ADGRL3: variants seen among roughly 807,000 people sequenced by gnomAD.
ADGRL3 encodes calcium-independent alpha-latrotoxin receptor 3.
A neutral mutation model predicts 153.5 loss-of-function variants in ADGRL3; 62 were observed. That is an observed-to-expected ratio of 0.40 (90% CI 0.33 to 0.50). ADGRL3 has a LOEUF of 0.50. Among genes scored for constraint, ADGRL3 ranks in the 20% least tolerant of loss-of-function variants. The pLI, the probability that ADGRL3 is intolerant of heterozygous loss-of-function variation, is 0.47. For missense variants in ADGRL3, 1,641 were observed against 1,859.4 expected, an observed-to-expected ratio of 0.88 and a Z score of 2.16; for synonymous variants, 710 against 672.5, an observed-to-expected ratio of 1.06 and a Z score of -0.86.
intron 8 of ADGRL3, among the ~76,000 whole-genome samples, chr4:61,735,704 T>G (rs1407170384): frequency 6.6e-6 from 1 of 152,202 alleles, no homozygotes. Context: ...ACTTATTTTT[T>G]TAGGTAATCA....
intron 1 of ADGRL3, among the ~76,000 whole-genome samples, chr4:61,348,877 G>A (rs1330707925): frequency 6.6e-6 from 1 of 151,948 alleles, no homozygotes; most frequent in Non-Finnish European, 1.5e-5. Flanking sequence ...CTTGAGGAAT[G>A]TGGAAATCTG....
intron 19 of ADGRL3, among the ~76,000 whole-genome samples, chr4:61,990,260 G>A (rs2099099168): frequency 6.6e-6 from 1 of 151,868 alleles, no homozygotes; most frequent in South Asian, 2.1e-4. Flanking sequence ...AAATTATTAT[G>A]TTAAGTGACT....
intron 21 of ADGRL3, among the ~76,000 whole-genome samples, chr4:62,026,162 C>T (rs139025066): frequency 1.6e-3 from 243 of 152,056 alleles, no homozygotes; most frequent in African/African-American, 5.5e-3. Flanking sequence ...ATCAAGCCAC[C>T]GTAAAAAAAT....
chr4:61,444,343 A>G (rs1379167), intron 2 of ADGRL3, among the ~76,000 whole-genome samples: 141,762 of 152,182 alleles, frequency 0.93, 66,874 homozygotes, highest in East Asian at 1. Flanking sequence ...ACTTGCCTGT[A>G]GACACACCTA....
At chr4:61,809,572 C>G (rs543004678) in intron 8 of ADGRL3, among the ~76,000 whole-genome samples, 7 of 152,072 alleles carry the variant, frequency 4.6e-5, no homozygotes, top group African/African-American at 1.7e-4. Flanking sequence ...CTTGAGCACC[C>G]TATTTAAAAT....
intron 2 of ADGRL3, among the ~76,000 whole-genome samples, chr4:61,384,258 A>G (rs1395713863): frequency 6.6e-6 from 1 of 151,766 alleles, no homozygotes; most frequent in Non-Finnish European, 1.5e-5. Context: ...ACATGCAAGC[A>G]ATGTTGTTCC....
In ADGRL3 at chr4:61,497,236, T is replaced by A; in HGVS notation, c.-58T>A. ...GAAGAGAAACTAGAAATATACGTAT[T>A]TTGTTTCACATTTGAACAGTCATTC... On this transcript the variant is annotated 5_prime_UTR_variant, in exon 3 of 27. Coordinates refer to ENST00000683033, the MANE Select transcript of ADGRL3 (RefSeq NM_001387552.1). 1 of 1,002,940 alleles carries A rather than the reference T, an allele frequency of 1.0e-6. No homozygotes were observed. Among genetic ancestry groups the A allele is most frequent in the Middle Eastern group, 2.1e-4 (1 of 4,872 alleles). The allele number at this position is 1,002,940 out of a possible 1,614,324, so 62.1% of individuals were successfully genotyped here.
intron 25 of ADGRL3, among the ~76,000 whole-genome samples, 171 bp downstream of exon 25, chr4:62,044,720 A>T (rs1347172058): frequency 1.3e-5 from 2 of 151,980 alleles, no homozygotes; most frequent in East Asian, 1.9e-4. Flanking sequence ...AAGCTACTTT[A>T]AAAAAATCCT....
At chr4:62,052,610 T>C (rs879693664) in intron 25 of ADGRL3, among the ~76,000 whole-genome samples, 3 of 151,480 alleles carry the variant, frequency 2.0e-5, no homozygotes, top group Non-Finnish European at 4.4e-5. Flanking sequence ...AAGAATTTCA[T>C]TGTCATTCTT....
At chr4:62,048,302 G>C (rs1381135917) in intron 25 of ADGRL3, among the ~76,000 whole-genome samples, 1 of 151,642 alleles carries the variant, frequency 6.6e-6, no homozygotes, top group Admixed American at 6.6e-5. Flanking sequence ...TTGCTCTGTT[G>C]CCCAGGCTGG....
At chr4:61,976,345 G>A (rs972091136) in intron 17 of ADGRL3, among the ~76,000 whole-genome samples, 4 of 152,062 alleles carry the variant, frequency 2.6e-5, no homozygotes, top group African/African-American at 9.7e-5. Flanking sequence ...CGCCTTCCTA[G>A]AAGTTCTATT....
chr4:61,745,908 G>A (rs1451426115), intron 8 of ADGRL3, among the ~76,000 whole-genome samples: 1 of 152,138 alleles, frequency 6.6e-6, no homozygotes, highest in African/African-American at 2.4e-5. Flanking sequence ...AAAAGACACA[G>A]ACTGGCAAAT....
chr4:61,755,605 C>A (rs2096817924), intron 8 of ADGRL3, among the ~76,000 whole-genome samples: 1 of 152,122 alleles, frequency 6.6e-6, no homozygotes, highest in Non-Finnish European at 1.5e-5. Flanking sequence ...TTTTGCTGTG[C>A]AGAAGCTCTT....
rs572558957 is a variant in ADGRL3 at position 61,516,592 on chromosome 4, C to CT, written c.56-715dup. On this transcript the variant is annotated intron_variant, in intron 3 of 26. Coordinates refer to ENST00000683033, the MANE Select transcript of ADGRL3 (RefSeq NM_001387552.1). ...GAATTATTTTTAAAAATCATGTATACTTTTTTTTCATTATTGTCTTGGTCT... is the reference window on the plus strand; with the variant it reads ...GAATTATTTTTAAAAATCATGTATACTTTTTTTTTCATTATTGTCTTGGTCT... Among the ~76,000 whole-genome samples, 126 of 151,802 alleles carry CT rather than the reference C, an allele frequency of 8.3e-4. 2 individuals are homozygous for CT. Among genetic ancestry groups the CT allele is most frequent in the Admixed American group, 8.1e-3 (123 of 15,238 alleles).
intron 25 of ADGRL3, among the ~76,000 whole-genome samples, chr4:62,045,041 T>C (rs570800304): frequency 8.5e-5 from 13 of 152,232 alleles, no homozygotes; most frequent in African/African-American, 3.1e-4. Flanking sequence ...TATTTAAAAA[T>C]ATAGGAGAAA....
In ADGRL3 at chr4:62,073,520, T is replaced by TA. The variant is rs1277797184; in HGVS notation, c.*2613dup. 6.6e-6 allele frequency: 1 copy of TA among 152,154 alleles called. No homozygotes were observed. The highest frequency in any genetic ancestry group is 1.5e-5 in the Non-Finnish European group (1 of 68,010). 9.4% of individuals were successfully genotyped at this position (152,154 alleles called of 1,614,324 possible). A position where few individuals can be genotyped will look rare whatever the true frequency, so the allele number is the denominator to read the frequency against. On this transcript the variant is annotated 3_prime_UTR_variant, in exon 27 of 27. Coordinates refer to ENST00000683033, the MANE Select transcript of ADGRL3 (RefSeq NM_001387552.1). ...ATGTGGTCTGTGGATTATGAGCACT[T>TA]ATGCTTGTTTTGTCAAACAGTAACC... is the stretch of plus-strand genomic sequence containing the variant.
In ADGRL3 at chr4:62,077,290, G is replaced by T. The variant is rs1280027351; in HGVS notation, c.*6382G>T. On this transcript the variant is annotated 3_prime_UTR_variant, in exon 27 of 27. Coordinates refer to ENST00000683033, the MANE Select transcript of ADGRL3 (RefSeq NM_001387552.1). The stretch of plus-strand genomic sequence containing the variant: ...CTCCACTCTTTGATCTACAGACAAG[G>T]TTACAAAAGATTTACAATTAGTCCA... 1 of 151,872 alleles carries T rather than the reference G, an allele frequency of 6.6e-6. No homozygotes were observed. Among genetic ancestry groups the T allele is most frequent in the Non-Finnish European group, 1.5e-5 (1 of 67,870 alleles). 9.4% of individuals were successfully genotyped at this position (151,872 alleles called of 1,614,324 possible). A position where few individuals can be genotyped will look rare whatever the true frequency, so the allele number is the denominator to read the frequency against.
intron 9 of ADGRL3, among the ~76,000 whole-genome samples, chr4:61,874,956 C>T (rs1446261378): frequency 6.6e-6 from 1 of 151,112 alleles, no homozygotes; most frequent in South Asian, 2.1e-4. Flanking sequence ...CTACAGGCGC[C>T]CACCACCGCG....
At chr4:61,313,282 T>C (rs2150569757) in intron 1 of ADGRL3, among the ~76,000 whole-genome samples, 1 of 152,286 alleles carries the variant, frequency 6.6e-6, no homozygotes, top group South Asian at 2.1e-4. Context: ...TTTAGGGCAG[T>C]GAGAGTACTC....
Sources: gnomAD v4.1 joint callset for allele counts (sites outside exome capture counted in the v4.1 genomes callset) on GRCh38, gnomAD v4.1.1 for gene constraint, MANE v1.5 for transcripts, NCBI Gene and HGNC (gene_info 2026-07-23, HGNC 2026-07-21) for gene names.